RBFOX1: variants seen among roughly 807,000 people sequenced by gnomAD.
RBFOX1 encodes the protein RNA binding protein fox-1 homolog 1.
Under a neutral mutation model 57.7 loss-of-function variants are expected in RBFOX1, and 8 were observed. The observed-to-expected ratio is 0.14, with a 90% CI of 0.08 to 0.25. RBFOX1 has a LOEUF of 0.25. RBFOX1 is among the 10% of genes least tolerant of loss of function. RBFOX1 has a pLI of 1.00. For missense variants in RBFOX1, 611 were observed against 548.5 expected (o/e 1.11, Z -1.14); for synonymous variants, 326 against 222.4 (o/e 1.47, Z -4.15).
intron 4 of RBFOX1, among the ~76,000 whole-genome samples, chr16:5,870,759 C>T (rs530264192): frequency 2.0e-5 from 3 of 151,926 alleles, no homozygotes; most frequent in African/African-American, 7.3e-5. Context: ...AAGCGATCAC[C>T]GTTATTTAAT....
rs549344423 is a variant in RBFOX1 at position 6,136,254 on chromosome 16, C to G, written c.-127+116262C>G. ...AGCAGTCCAAGGTGTATGTCCTGCC[C>G]TCCTCCGGCAGGGCCACTACCATGC... is the stretch of plus-strand genomic sequence containing the variant. On this transcript the variant is annotated intron_variant, in intron 1 of 15. Transcript: ENST00000550418. 3.3e-5 allele frequency among the ~76,000 whole-genome samples: 5 copies of G among 152,232 alleles called. No homozygotes were observed. In the East Asian group the frequency reaches 5.8e-4, roughly 18 times the overall value.
intron 4 of RBFOX1, among the ~76,000 whole-genome samples, chr16:7,197,190 A>G (rs374121980): frequency 6.6e-6 from 1 of 152,282 alleles, no homozygotes; most frequent in African/African-American, 2.4e-5. Context: ...AACTAAGTAC[A>G]GATGTGGCTC....
chr16:7,622,775 T>G (rs2059507132), intron 10 of RBFOX1, among the ~76,000 whole-genome samples: 1 of 152,176 alleles, frequency 6.6e-6, no homozygotes, highest in Non-Finnish European at 1.5e-5. Context: ...GAAGTAAACA[T>G]ACAGAGCAAC....
intron 4 of RBFOX1, among the ~76,000 whole-genome samples, chr16:7,255,187 T>C (rs1180127797): frequency 2.6e-5 from 4 of 152,142 alleles, no homozygotes; most frequent in Non-Finnish European, 1.5e-5. Context: ...ACAATGAGGC[T>C]GAGGGTAGAG....
chr16:6,721,185 A>C (rs1019246607), intron 3 of RBFOX1, among the ~76,000 whole-genome samples: 1 of 152,168 alleles, frequency 6.6e-6, no homozygotes, highest in Non-Finnish European at 1.5e-5. Flanking sequence ...GCTCACTCCT[A>C]TAATCCCAGT....
At chr16:6,870,319 C>T (rs549282992) in intron 3 of RBFOX1, among the ~76,000 whole-genome samples, 1 of 152,152 alleles carries the variant, frequency 6.6e-6, no homozygotes, top group African/African-American at 2.4e-5. Flanking sequence ...TACTGAAATT[C>T]AGCACTGCTA....
chr16:5,454,656 G>C lies in RBFOX1; in HGVS notation c.220-12560G>C, dbSNP rs549243032. Among the ~76,000 whole-genome samples the C allele has an allele frequency of 8.8e-4, 134 of 152,150 alleles. 2 individuals carry two copies. Among genetic ancestry groups the C allele is most frequent in the African/African-American group, 3.2e-3 (131 of 41,506 alleles). ...ATCTACTCTACCTGGGTCTCTATTT[G>C]GTTATCCACCTTGCAGATTTAGGAT... On this transcript the variant is annotated intron_variant, in intron 1 of 2. Transcript: ENST00000585867.
chr16:5,960,740 T>C (rs940176245), intron 4 of RBFOX1, among the ~76,000 whole-genome samples: 20 of 152,322 alleles, frequency 1.3e-4, no homozygotes, highest in African/African-American at 4.8e-4. Context: ...TCTGTCAGTG[T>C]GGAGCAACCC....
rs1006378141 is a variant in RBFOX1 at position 7,259,691 on chromosome 16, C to T, written c.27+207593C>T. 2.6e-5 allele frequency among the ~76,000 whole-genome samples: 4 copies of T among 152,248 alleles called. No homozygotes were observed. The East Asian group carries it at 7.7e-4, about 29-fold the overall frequency. Reference sequence around the variant, plus strand: ...CACTAACTTGAGAGGTGACTGTTTTCTGATGTTTATACATCACTCACTTAG... The same window carrying T: ...CACTAACTTGAGAGGTGACTGTTTTTTGATGTTTATACATCACTCACTTAG... On this transcript the variant is annotated intron_variant, in intron 4 of 15. Coordinates refer to ENST00000550418, the MANE Select transcript of RBFOX1 (RefSeq NM_018723.4).
chr16:5,629,135 T>G (rs1033767242), intron 3 of RBFOX1, among the ~76,000 whole-genome samples: 1 of 152,172 alleles, frequency 6.6e-6, no homozygotes, highest in Non-Finnish European at 1.5e-5. Context: ...ACTCTTCATT[T>G]TCCACTTAGA....
At chr16:6,400,977 A>G (rs1031991300) in intron 2 of RBFOX1, among the ~76,000 whole-genome samples, 2 of 152,202 alleles carry the variant, frequency 1.3e-5, no homozygotes, top group Admixed American at 1.3e-4. Flanking sequence ...TTTTTAAAGT[A>G]TATACATAAT....
chr16:5,354,183 C>G (rs146605471), intron 1 of RBFOX1, among the ~76,000 whole-genome samples: 157 of 152,316 alleles, frequency 1.0e-3, no homozygotes, highest in African/African-American at 3.7e-3. Flanking sequence ...CTTGCGGGAG[C>G]TGTTCCTGTC....
intron 1 of RBFOX1, among the ~76,000 whole-genome samples, chr16:6,159,028 AAGGAGCTGGGATTATAGGCACCG>A (rs1428981372): frequency 6.6e-6 from 1 of 151,626 alleles, no homozygotes; most frequent in Non-Finnish European, 1.5e-5. Flanking sequence ...TCAGCCTCCC[AAGGAGCTGGGATTATAGGCACCG>A]ACCACCATGC....
At chr16:7,678,738 C>T (rs910713164) in intron 14 of RBFOX1, among the ~76,000 whole-genome samples, 6 of 152,276 alleles carry the variant, frequency 3.9e-5, no homozygotes, top group Middle Eastern at 3.4e-3. Context: ...TTCTGGCCAT[C>T]CCTACTTGCA....
At chr16:5,490,200 T>G (rs2042780014) in intron 2 of RBFOX1, among the ~76,000 whole-genome samples, 1 of 152,222 alleles carries the variant, frequency 6.6e-6, no homozygotes, top group South Asian at 2.1e-4. Flanking sequence ...CCACCTATGT[T>G]GGGCTCATCT....
chr16:7,393,585 A>G (rs955466993), intron 4 of RBFOX1, among the ~76,000 whole-genome samples: 3 of 152,120 alleles, frequency 2.0e-5, no homozygotes, highest in African/African-American at 7.2e-5. Context: ...GGGTGGTGGT[A>G]ATGAATCAGG....
At chr16:6,302,056 C>G (rs753092454) in intron 1 of RBFOX1, among the ~76,000 whole-genome samples, 1 of 152,060 alleles carries the variant, frequency 6.6e-6, no homozygotes, top group African/African-American at 2.4e-5. Context: ...ATGACAAGAC[C>G]GGAGATGCAA....
chr16:7,342,714 A>G (rs1226170199), intron 4 of RBFOX1, among the ~76,000 whole-genome samples: 1 of 152,074 alleles, frequency 6.6e-6, no homozygotes, highest in Admixed American at 6.6e-5. Context: ...AGATGCCACC[A>G]TGGAGTTTGA....
chr16:6,123,851 G>A (rs12928615), intron 1 of RBFOX1, among the ~76,000 whole-genome samples: 60,865 of 152,062 alleles, frequency 0.4, 13,026 homozygotes, highest in South Asian at 0.56. Flanking sequence ...GTTGCAGTGA[G>A]CTGAGAATGT....
Sources: gnomAD v4.1 joint callset for allele counts (sites outside exome capture counted in the v4.1 genomes callset) on GRCh38, gnomAD v4.1.1 for gene constraint, MANE v1.5 for transcripts, NCBI Gene and HGNC (gene_info 2026-07-23, HGNC 2026-07-21) for gene names.